CLK3: variants seen among roughly 807,000 people sequenced by gnomAD.
CLK3 encodes dual specificity protein kinase CLK3.
Under a neutral mutation model 65.2 loss-of-function variants are expected in CLK3, and 24 were observed. The observed-to-expected ratio is 0.37, with a 90% CI of 0.27 to 0.52. CLK3 has a LOEUF of 0.52. CLK3 is among the 20% of genes least tolerant of loss of function. The pLI is 0.92. For synonymous variants in CLK3, 252 were observed against 240.8 expected, an observed-to-expected ratio of 1.05 and a Z score of -0.43; for missense variants, 506 against 660.0, an observed-to-expected ratio of 0.77 and a Z score of 2.56.
In CLK3 at chr15:74,622,190, G is replaced by A. The variant is rs918796477; in HGVS notation, c.440G>A (p.Arg147Gln). The A allele has an allele frequency of 3.7e-6, 6 of 1,613,936 alleles. No homozygotes were observed. The highest frequency in any genetic ancestry group is 5.1e-6 in the Non-Finnish European group (6 of 1,179,828). ...EDDKEGHLVC[R>Q]IGDWLQERYE... ...GACAAGGAGGGTCACCTGGTGTGCC[G>A]GATCGGCGATTGGCTCCAAGAGCGA... Residue 147 changes from arginine (R) to glutamine (Q), a missense_variant, in exon 4 of 13, where the codon CGG (arginine) becomes CAG (glutamine). Physicochemically the swap from Arg to Gln is conservative, Grantham distance 43. Coordinates refer to ENST00000395066, the MANE Select transcript of CLK3 (RefSeq NM_001130028.2). This position sits in a 1 kb window ranked among gnomAD's most constrained non-coding sequence, Gnocchi z 4.6.
rs776684802 is a variant in CLK3, at chr15:74,620,216, C to T, written c.360C>T (p.Ser120=). The change falls in exon 3 of 13, where the codon AGC becomes AGT. Residue 120 remains serine (S), a synonymous_variant. Transcript: ENST00000395066. ...CHKRRTRSCS[S]ASSRSQQSSK... ...AACGCCGCACCAGGTCTTGTAGCAG[C>T]GCCTCCTCGGTGAGTGGTAGCCAGA... The T allele has an allele frequency of 7.4e-6, 12 of 1,613,912 alleles. No homozygotes were observed. Among genetic ancestry groups the T allele is most frequent in the Admixed American group, 5.0e-5 (3 of 60,018 alleles).
chr15:74,615,930 AGCGGCGGCG>A, intron 1 of CLK3, 32 bp downstream of exon 1: 1 of 1,235,780 alleles, frequency 8.1e-7, no homozygotes, highest in Non-Finnish European at 1.0e-6. Context: ...CGGCGGCGAC[AGCGGCGGCG>A]GCGGCCGGGG....
chr15:74,614,805 C>A (rs1199078434), upstream of CLK3: 1 of 152,210 alleles, frequency 6.6e-6, no homozygotes, highest in African/African-American at 2.4e-5. Flanking sequence ...GGAGCGGTCC[C>A]AAGGAGGGGG....
In CLK3 at chr15:74,627,598, C is replaced by T; in HGVS notation, c.972C>T (p.Ala324=). Residue 324 remains alanine, a synonymous_variant, in exon 9 of 13, where the codon GCC becomes GCT. Coordinates refer to ENST00000395066, the MANE Select transcript of CLK3 (RefSeq NM_001130028.2). This position sits in a 1 kb window ranked among gnomAD's most constrained non-coding sequence, Gnocchi z 4.3. ...TSIRVADFGS[A]TFDHEHHTTI... is the part of the protein sequence containing the mutation. ...TCCGAGTGGCTGACTTTGGCAGTGCCACATTTGACCATGAGCACCACACCA... is the reference window on the plus strand; with the variant it reads ...TCCGAGTGGCTGACTTTGGCAGTGCTACATTTGACCATGAGCACCACACCA... The T allele has an allele frequency of 6.2e-7, 1 of 1,614,144 alleles. No individual in the cohort carries two copies. Among genetic ancestry groups the T allele is most frequent in the Non-Finnish European group, 8.5e-7 (1 of 1,180,020 alleles).
At position 74,627,879 on chromosome 15, in the gene CLK3, G is replaced by A. The variant is rs116916068; in HGVS notation, c.1043-91G>A. The A allele has an allele frequency of 0.061, 75,046 of 1,239,292 alleles. 2,694 individuals carry two copies. Among genetic ancestry groups the A allele is most frequent in the South Asian group, 0.082 (6,664 of 80,958 alleles). 76.8% of individuals were successfully genotyped at this position (1,239,292 alleles called of 1,614,324 possible). A position where few individuals can be genotyped will look rare whatever the true frequency, so the allele number is the denominator to read the frequency against. On this transcript the variant is annotated intron_variant, in intron 9 of 12. Transcript: ENST00000395066. The surrounding 1 kb of genome is among the most constrained non-coding windows in gnomAD (Gnocchi z 4.3). ...GCCTCGTACTGGGATTTGGGCAAGAGTCCTGCCAGCCGGTGTGGTGGCTGC... is the reference window on the plus strand; with the variant it reads ...GCCTCGTACTGGGATTTGGGCAAGAATCCTGCCAGCCGGTGTGGTGGCTGC...
upstream of CLK3, chr15:74,615,485 T>A: frequency 2.3e-6 from 3 of 1,311,274 alleles, no homozygotes; most frequent in Non-Finnish European, 2.9e-6. Context: ...CAGGAGGGAG[T>A]TGGCGGACCA....
In CLK3 at chr15:74,629,849, G is replaced by A. The variant is rs771883500; in HGVS notation, c.1439G>A (p.Arg480Gln). 6 of 1,609,064 alleles carry A rather than the reference G, an allele frequency of 3.7e-6. No homozygotes were observed. The highest frequency in any genetic ancestry group is 3.3e-5 in the South Asian group (3 of 90,406). Residue 480 changes from arginine to glutamine, a missense_variant, in exon 13 of 13, where the codon CGG (arginine) becomes CAG (glutamine). Physicochemically the swap from Arg to Gln is conservative, Grantham distance 43 (BLOSUM62 1). This residue lies in a region of CLK3 where 325 missense variants were observed against 500.5 expected (regional missense o/e 0.65). Coordinates refer to ENST00000395066, the MANE Select transcript of CLK3 (RefSeq NM_001130028.2). ...PFFAGLTPEERSFHTSRNPSR is the reference protein window; with the variant it reads ...PFFAGLTPEEQSFHTSRNPSR ...TTTGCTGGCCTGACCCCTGAGGAGCGGTCCTTCCACACCAGCCGCAACCCA... is the reference window on the plus strand; with the variant it reads ...TTTGCTGGCCTGACCCCTGAGGAGCAGTCCTTCCACACCAGCCGCAACCCA...
chr15:74,615,945 C>G, intron 1 of CLK3, 47 bp downstream of exon 1: 1 of 1,214,370 alleles, frequency 8.2e-7, no homozygotes, highest in South Asian at 3.7e-5. Flanking sequence ...CGGCGGCGGC[C>G]GGGGGTGAGT....
chr15:74,620,348 ATG>A, intron 3 of CLK3, 123 bp downstream of exon 3: 37 of 1,338,566 alleles, frequency 2.8e-5, no homozygotes, highest in Admixed American at 3.8e-5. Context: ...GTGTGCGTGC[ATG>A]TGTGTGTGTA....
Position 74,624,546 on chromosome 15 carries a change from T to TTCATTAAAAA in CLK3, c.534-356_534-355insTCATTAAAAA. ...CTCGGTGGGACAGCCTGGCCAGGGT[T>TTCATTAAAAA]GGGGCTGCCTGGCCTATAGGTTAGG... is the stretch of plus-strand genomic sequence containing the variant. On this transcript the variant is annotated intron_variant, in intron 5 of 12. Coordinates refer to ENST00000395066, the MANE Select transcript of CLK3 (RefSeq NM_001130028.2). The surrounding 1 kb of genome is among the most constrained non-coding windows in gnomAD (Gnocchi z 4.2). The TTCATTAAAAA allele has an allele frequency of 4.9e-6, 1 of 203,950 alleles. No homozygotes were observed. Among genetic ancestry groups the TTCATTAAAAA allele is most frequent in the Non-Finnish European group, 9.7e-6 (1 of 103,478 alleles). The allele number at this position is 203,950 out of a possible 1,614,324, so 12.6% of individuals were successfully genotyped here.
chr15:74,630,177 TAATA>T lies in CLK3; in HGVS notation c.*297_*300del. ...TTGCCTTCCCCTTACCTGACCTTAT[TAATA>T]AAGTCTTTCTTAGCAGTTCAGCTTG... On this transcript the variant is annotated 3_prime_UTR_variant, in exon 13 of 13. Transcript: ENST00000395066. 3.0e-6 allele frequency: 1 copy of T among 334,714 alleles called. No individual in the cohort carries two copies. The highest frequency in any genetic ancestry group is 5.6e-6 in the Non-Finnish European group (1 of 180,152). The allele number at this position is 334,714 out of a possible 1,614,324, so 20.7% of individuals were successfully genotyped here. A position where few individuals can be genotyped will look rare whatever the true frequency, so the allele number is the denominator to read the frequency against.
chr15:74,618,742 T>A (rs540658010), intron 1 of CLK3, among the ~76,000 whole-genome samples: 1 of 152,340 alleles, frequency 6.6e-6, no homozygotes, highest in Non-Finnish European at 1.5e-5. Context: ...CTTTGAGCCC[T>A]CGCCTCCTGT....
chr15:74,614,762 G>A (rs1596283474), upstream of CLK3: 1 of 152,164 alleles, frequency 6.6e-6, no homozygotes, highest in Non-Finnish European at 1.5e-5. Context: ...GCGGCCGCCG[G>A]GGCGGTGCTG....
At chr15:74,625,284 A>G (rs1812380543) in intron 6 of CLK3, among the ~76,000 whole-genome samples, 1 of 152,062 alleles carries the variant, frequency 6.6e-6, no homozygotes, top group Non-Finnish European at 1.5e-5. Flanking sequence ...ACAAGATAAA[A>G]ACATGAAGTT....
chr15:74,608,896 T>C (rs377739998), intron 1 of CLK3, among the ~76,000 whole-genome samples: 1 of 152,198 alleles, frequency 6.6e-6, no homozygotes, highest in East Asian at 1.9e-4. Flanking sequence ...CCAGCCTGGC[T>C]TGGACACTCT....
rs542973892 is a variant in CLK3, at chr15:74,619,327, C to T, written c.131C>T (p.Pro44Leu). 8 of 1,614,040 alleles carry T rather than the reference C, an allele frequency of 5.0e-6. No homozygotes were observed. Among genetic ancestry groups the T allele is most frequent in the Admixed American group, 1.7e-5 (1 of 60,004 alleles). ...LRYPSRREPPPRRSRSRSHDR... is the reference protein window; with the variant it reads ...LRYPSRREPPLRRSRSRSHDR... ...TACCCGTCCCGAAGGGAGCCTCCCC[C>T]ACGAAGATCTCGGTCCAGAAGGTGA... Residue 44 changes from proline (P) to leucine (L), a missense_variant, in exon 2 of 13, where the codon CCA becomes CTA. Coordinates refer to ENST00000395066, the MANE Select transcript of CLK3 (RefSeq NM_001130028.2).
At position 74,619,224 on chromosome 15, in the gene CLK3, C is replaced by T. The variant is rs1359434767; in HGVS notation, c.28C>T (p.Pro10Ser). Residue 10 changes from proline to serine, a missense_variant, in exon 2 of 13, where the codon CCT becomes TCT. By Grantham distance (74) the Pro-to-Ser change is moderately conservative. This residue lies in a region of CLK3 where 181 missense variants were observed against 159.4 expected (regional missense o/e 1.14). Transcript: ENST00000395066. MHHCKRYRS[P>S]EPDPYLSYRW... ...GCATCACTGTAAGCGATACCGCTCC[C>T]CTGAACCAGACCCGTACCTGAGCTA... is the stretch of plus-strand genomic sequence containing the variant. 1 of 1,614,188 alleles carries T rather than the reference C, an allele frequency of 6.2e-7. No homozygotes were observed. Among genetic ancestry groups the T allele is most frequent in the Non-Finnish European group, 8.5e-7 (1 of 1,180,024 alleles).
chr15:74,628,524 C>G, intron 10 of CLK3, 80 bp from the exon 11 acceptor site: 1 of 1,021,378 alleles, frequency 9.8e-7, no homozygotes, highest in Non-Finnish European at 1.5e-6. Flanking sequence ...GGGCACTTGC[C>G]CATCTTTCTT....
At chr15:74,628,159 TC>T (rs2062158782) in intron 10 of CLK3, 107 bp downstream of exon 10, 1 of 759,544 alleles carries the variant, frequency 1.3e-6, no homozygotes, top group Non-Finnish European at 2.4e-6. Context: ...GGTGTCTTCC[TC>T]CTCCCACTAA....
Sources: allele counts gnomAD v4.1 joint callset (sites outside exome capture counted in the v4.1 genomes callset), GRCh38; gene constraint gnomAD v4.1.1; regional missense constraint gnomAD v4.1.1; non-coding constraint Gnocchi (gnomAD v3.1); transcripts MANE v1.5; gene names NCBI Gene and HGNC (gene_info 2026-07-23, HGNC 2026-07-21).